Variants in GRIN2A observed in about 807,000 individuals in gnomAD.
GRIN2A encodes glutamate receptor ionotropic, NMDA 2A.
In GRIN2A, 22 loss-of-function variants were observed where a neutral mutation model predicts 113.4. That is an observed-to-expected ratio of 0.19 (90% CI 0.14 to 0.28). The LOEUF (loss-of-function observed/expected upper bound fraction) is 0.28, where lower values mean the gene tolerates loss of function less well. Among genes scored for constraint, GRIN2A ranks in the 10% least tolerant of loss-of-function variants. GRIN2A has a pLI of 1.00. For synonymous variants in GRIN2A, 827 were observed against 738.4 expected (o/e 1.12, Z -1.94); for missense variants, 1,502 against 1,887.0 (o/e 0.80, Z 3.78).
chr16:9,756,005 C>T lies in GRIN2A; in HGVS notation c.*7144G>A. ...CCACCTCTGAAACTCATTCCATCTG[C>T]CTGGCAAAGATAACCAAACATAGAC... On this transcript the variant is annotated 3_prime_UTR_variant, in exon 13 of 13. Coordinates refer to ENST00000330684, the MANE Select transcript of GRIN2A (RefSeq NM_001134407.3). 4.5e-6 allele frequency: 1 copy of T among 220,138 alleles called. No homozygotes were observed. 13.6% of individuals were successfully genotyped at this position (220,138 alleles called of 1,614,324 possible). A position where few individuals can be genotyped will look rare whatever the true frequency, so the allele number is the denominator to read the frequency against.
intron 2 of GRIN2A, among the ~76,000 whole-genome samples, chr16:10,007,451 C>G (rs2046424824): frequency 6.6e-6 from 1 of 152,134 alleles, no homozygotes; most frequent in African/African-American, 2.4e-5. Flanking sequence ...CTATTCAGAT[C>G]TTTTGCCAAT....
intron 10 of GRIN2A, among the ~76,000 whole-genome samples, chr16:9,806,994 T>C (rs1205357784): frequency 6.6e-6 from 1 of 151,380 alleles, no homozygotes; most frequent in African/African-American, 2.4e-5. Context: ...GATATGATTG[T>C]TTTAGAAGAG....
At position 10,088,127 on chromosome 16, in the gene GRIN2A, A is replaced by T. The variant is rs116339497; in HGVS notation, c.414+91871T>A. On this transcript the variant is annotated intron_variant, in intron 2 of 12. Coordinates refer to ENST00000330684, the MANE Select transcript of GRIN2A (RefSeq NM_001134407.3). ...TGTTGTTTACTCATGAAACCTTTGG[A>T]CCCTCTCCCTTGAGAAACGCACATT... Among the ~76,000 whole-genome samples the T allele has an allele frequency of 4.9e-3, 743 of 152,152 alleles. 4 individuals are homozygous for T. The highest frequency in any genetic ancestry group is 0.017 in the African/African-American group (710 of 41,502).
rs1900320045 is a variant in GRIN2A at position 9,755,641 on chromosome 16, G to T, written c.*7508C>A. 5.2e-6 allele frequency: 1 copy of T among 192,950 alleles called. No individual in the cohort carries two copies. The highest frequency in any genetic ancestry group is 1.9e-4 in the South Asian group (1 of 5,178). The allele number at this position is 192,950 out of a possible 1,614,324, so 12.0% of individuals were successfully genotyped here. A position where few individuals can be genotyped will look rare whatever the true frequency, so the allele number is the denominator to read the frequency against. Reference sequence around the variant, plus strand: ...CTCAGTAAATATAAATGCCAGGAAAGAAATGTGGCTTAGACCATGGAGAGG... The same window carrying T: ...CTCAGTAAATATAAATGCCAGGAAATAAATGTGGCTTAGACCATGGAGAGG... On this transcript the variant is annotated 3_prime_UTR_variant, in exon 13 of 13. Coordinates refer to ENST00000330684, the MANE Select transcript of GRIN2A (RefSeq NM_001134407.3).
At chr16:9,891,854 T>C (rs762048236) in intron 3 of GRIN2A, among the ~76,000 whole-genome samples, 1 of 151,790 alleles carries the variant, frequency 6.6e-6, no homozygotes, top group Non-Finnish European at 1.5e-5. Context: ...GACAGGAAAA[T>C]GTGAGATCAG....
intron 2 of GRIN2A, among the ~76,000 whole-genome samples, chr16:10,155,746 G>A (rs2049678760): frequency 6.6e-6 from 1 of 152,126 alleles, no homozygotes; most frequent in African/African-American, 2.4e-5. Context: ...GAGAAGCAAG[G>A]TCACATCTTA....
chr16:10,037,975 C>T (rs2047065860), intron 2 of GRIN2A, among the ~76,000 whole-genome samples: 1 of 152,208 alleles, frequency 6.6e-6, no homozygotes, highest in East Asian at 1.9e-4. Flanking sequence ...ACAAACCCAG[C>T]TGTCTGCAGC....
intron 2 of GRIN2A, among the ~76,000 whole-genome samples, chr16:10,143,753 C>T (rs1464401113): frequency 1.3e-5 from 2 of 151,916 alleles, no homozygotes; most frequent in East Asian, 1.9e-4. Context: ...TCTCTTGAGC[C>T]CAGGAGTTTG....
chr16:9,907,629 T>G (rs2141538640), intron 3 of GRIN2A, among the ~76,000 whole-genome samples: 1 of 152,178 alleles, frequency 6.6e-6, no homozygotes, highest in East Asian at 1.9e-4. Context: ...AAAATAAAAT[T>G]TAAAATTTTC....
At chr16:9,772,922 C>CCAAA (rs777635808) in intron 11 of GRIN2A, among the ~76,000 whole-genome samples, 5 of 104,982 alleles carry the variant, frequency 4.8e-5, no homozygotes, top group African/African-American at 1.9e-4. Context: ...ACTTCAATTT[C>CCAAA]AAAAAAAAAA....
intron 2 of GRIN2A, among the ~76,000 whole-genome samples, chr16:10,150,513 T>G (rs2049546048): frequency 6.6e-6 from 1 of 152,164 alleles, no homozygotes; most frequent in Non-Finnish European, 1.5e-5. Flanking sequence ...CCATGAGAGC[T>G]GCCCTCTCTC....
At chr16:9,991,353 T>C (rs2046109182) in intron 2 of GRIN2A, among the ~76,000 whole-genome samples, 1 of 152,216 alleles carries the variant, frequency 6.6e-6, no homozygotes, top group Non-Finnish European at 1.5e-5. Flanking sequence ...TCTGAATTAG[T>C]AAGTGGTCCT....
chr16:10,118,735 A>G (rs1373859332), intron 2 of GRIN2A, among the ~76,000 whole-genome samples: 1 of 152,228 alleles, frequency 6.6e-6, no homozygotes, highest in African/African-American at 2.4e-5. Flanking sequence ...CCACTGCTGA[A>G]TAAAGTGTCC....
intron 2 of GRIN2A, among the ~76,000 whole-genome samples, chr16:10,041,543 C>T (rs1479238660): frequency 1.3e-5 from 2 of 152,144 alleles, no homozygotes; most frequent in African/African-American, 4.8e-5. Context: ...TAGGTAAGGG[C>T]TCTGAGTGGG....
chr16:9,944,146 CA>C (rs1395404965), intron 2 of GRIN2A, among the ~76,000 whole-genome samples: 2 of 152,172 alleles, frequency 1.3e-5, no homozygotes, highest in African/African-American at 4.8e-5. Flanking sequence ...GGAGGTAACT[CA>C]GCAACGATCC....
intron 4 of GRIN2A, among the ~76,000 whole-genome samples, chr16:9,883,008 G>A (rs1179151195): frequency 2.6e-5 from 4 of 152,070 alleles, no homozygotes; most frequent in Admixed American, 6.6e-5. Context: ...CACAGCCTTC[G>A]GGGGCAGGCG....
chr16:10,106,197 T>G (rs1042651293), intron 2 of GRIN2A, among the ~76,000 whole-genome samples: 7 of 149,106 alleles, frequency 4.7e-5, no homozygotes, highest in Admixed American at 6.8e-5. Flanking sequence ...GTTTTTTTTT[T>G]TTGTTTGGGG....
chr16:9,879,871 C>T (rs897115200), intron 4 of GRIN2A, among the ~76,000 whole-genome samples: 9 of 152,194 alleles, frequency 5.9e-5, no homozygotes, highest in Non-Finnish European at 8.8e-5. Context: ...GTTCTCTCAT[C>T]TCAAGCTCTT....
chr16:10,051,341 G>C (rs373618700), intron 2 of GRIN2A, among the ~76,000 whole-genome samples: 1 of 152,144 alleles, frequency 6.6e-6, no homozygotes, highest in East Asian at 1.9e-4. Context: ...CTCCTGCATG[G>C]GTCTCAGAGT....
Sources: allele counts gnomAD v4.1 joint callset (sites outside exome capture counted in the v4.1 genomes callset), GRCh38; gene constraint gnomAD v4.1.1; transcripts MANE v1.5; gene names NCBI Gene and HGNC (gene_info 2026-07-23, HGNC 2026-07-21).